MSH5: variants seen among roughly 807,000 people sequenced by gnomAD.
The protein encoded by MSH5 is mutS protein homolog 5.
A neutral mutation model predicts 107.7 loss-of-function variants in MSH5; 78 were observed. The ratio of observed to expected loss-of-function variants is 0.72; its 90% CI spans 0.60 to 0.87. MSH5 has a LOEUF of 0.87. MSH5 is among the 40% of genes least tolerant of loss of function. MSH5 has a pLI of 0.00. For synonymous variants in MSH5, 326 were observed against 399.5 expected, an observed-to-expected ratio of 0.82 and a Z score of 2.19; for missense variants, 889 against 1,046.6, an observed-to-expected ratio of 0.85 and a Z score of 2.08.
chr6:31,747,813 T>C (rs536335808), intron 10 of MSH5, among the ~76,000 whole-genome samples: 1 of 152,278 alleles, frequency 6.6e-6, no homozygotes, highest in South Asian at 2.1e-4. Flanking sequence ...TGAGACCAGC[T>C]GGCCAACATG....
intron 12 of MSH5, 165 bp from the exon 13 acceptor site, chr6:31,758,000 C>A: frequency 1.3e-6 from 1 of 770,792 alleles, no homozygotes; most frequent in South Asian, 1.8e-5. Flanking sequence ...TTTGTAGTTT[C>A]AGTGTTTGGT....
In MSH5 at chr6:31,758,267, C is replaced by T. The variant is rs1202606859; in HGVS notation, c.1117C>T (p.His373Tyr). 1 of 1,612,916 alleles carries T rather than the reference C, an allele frequency of 6.2e-7. No homozygotes were observed. The highest frequency in any genetic ancestry group is 8.5e-7 in the Non-Finnish European group (1 of 1,180,042). Residue 373 changes from histidine to tyrosine, a missense_variant, in exon 13 of 25, where the codon CAT (histidine) becomes TAT (tyrosine). His to Tyr is a moderately conservative substitution (Grantham distance 83). Coordinates refer to ENST00000375750, the MANE Select transcript of MSH5 (RefSeq NM_172166.4). The surrounding 1 kb of genome is among the most constrained non-coding windows in gnomAD (Gnocchi z 5.1). ...IAQEFSDDLH[H>Y]IASLIGKVVD... Reference sequence around the variant, plus strand: ...CCAAGAGTTCTCTGATGACCTGCACCATATCGCCAGCCTCATTGGGAAAGT... The same window carrying T: ...CCAAGAGTTCTCTGATGACCTGCACTATATCGCCAGCCTCATTGGGAAAGT...
intron 12 of MSH5, among the ~76,000 whole-genome samples, chr6:31,756,233 C>T (rs1364916326): frequency 3.3e-5 from 5 of 152,136 alleles, no homozygotes; most frequent in South Asian, 2.1e-4. Flanking sequence ...TGCAGTGGCA[C>T]GATCTTGGCT....
In MSH5 at chr6:31,749,270, G is replaced by A. The variant is rs546005101; in HGVS notation, c.812+1838G>A. On this transcript the variant is annotated intron_variant, in intron 10 of 24. Coordinates refer to ENST00000375750, the MANE Select transcript of MSH5 (RefSeq NM_172166.4). ...AAAATCTTACATCCAGGTCAGGCGC[G>A]GTGGCTCACGCCTGTAGTCTCAGCA... Among the ~76,000 whole-genome samples the A allele has an allele frequency of 5.3e-5, 8 of 152,196 alleles. No homozygotes were observed. The South Asian group carries it at 1.2e-3, about 24-fold the overall frequency.
intron 9 of MSH5, chr6:31,746,219 C>T (rs2151344446): frequency 6.6e-6 from 1 of 152,188 alleles, no homozygotes; most frequent in South Asian, 2.1e-4. Context: ...GCCTCAGCCT[C>T]CTGAGTAACT....
At position 31,759,523 on chromosome 6, in the gene MSH5, G is replaced by A; in HGVS notation, c.1495+11G>A. The A allele has an allele frequency of 6.2e-7, 1 of 1,612,290 alleles. No individual in the cohort carries two copies. The highest frequency in any genetic ancestry group is 8.5e-7 in the Non-Finnish European group (1 of 1,179,984). ...ACTGCGAGATCCGGGGTGAGGAAAA[G>A]CCAGAGGTTATATGCATTGTAAGAT... On this transcript the variant is annotated intron_variant, in intron 17 of 24. Coordinates refer to ENST00000375750, the MANE Select transcript of MSH5 (RefSeq NM_172166.4). The surrounding 1 kb of genome is among the most constrained non-coding windows in gnomAD (Gnocchi z 4.7).
rs1554205309 is a variant in MSH5 at position 31,746,113 on chromosome 6, TGA to T, written c.766+797_766+798del. 8.1e-4 allele frequency: 122 copies of T among 150,644 alleles called. 1 individual carries two copies. Among genetic ancestry groups the T allele is most frequent in the African/African-American group, 2.5e-3 (98 of 39,884 alleles). 9.3% of individuals were successfully genotyped at this position (150,644 alleles called of 1,614,324 possible). On this transcript the variant is annotated intron_variant, in intron 9 of 24. Transcript: ENST00000375750. ...GTGTGTGTGTGTGTGTGTGTGTGTG[TGA>T]GACGAAGTCTCGCTCTTGTCCCCCA...
At chr6:31,743,453 C>T (rs1809104421) in intron 5 of MSH5, 1 of 523,866 alleles carries the variant, frequency 1.9e-6, no homozygotes, top group Non-Finnish European at 3.4e-6. Context: ...GGAATTCTCC[C>T]CATTAAGTTA....
At chr6:31,755,217 T>C (rs1351941098) in intron 12 of MSH5, among the ~76,000 whole-genome samples, 5 of 152,098 alleles carry the variant, frequency 3.3e-5, no homozygotes, top group South Asian at 2.1e-4. Flanking sequence ...AATGGCACAA[T>C]TGTAGCTCAC....
At chr6:31,753,489 A>G (rs779740505) in intron 11 of MSH5, 50 bp downstream of exon 11, 14 of 1,613,454 alleles carry the variant, frequency 8.7e-6, no homozygotes, top group African/African-American at 1.3e-5. Context: ...TTGAGGGCTG[A>G]TACTGGGCAG....
Position 31,743,999 on chromosome 6 carries a change from A to G in MSH5, c.511A>G (p.Ile171Val), listed in dbSNP as rs1809162852. 2 of 1,613,950 alleles carry G rather than the reference A, an allele frequency of 1.2e-6. No homozygotes were observed. Among genetic ancestry groups the G allele is most frequent in the South Asian group, 2.2e-5 (2 of 91,082 alleles). ...ATEKILFLSS[I>V]IPFDCLLTVR... ...TGAGAAAATCCTCTTCCTCTCTTCC[A>G]TTATTCCCTTTGACTGCCTCCTCAC... Residue 171 changes from isoleucine (I) to valine (V), a missense_variant, in exon 6 of 25, where the codon ATT becomes GTT. Physicochemically the swap from Ile to Val is conservative, Grantham distance 29 (BLOSUM62 3). Coordinates refer to ENST00000375750, the MANE Select transcript of MSH5 (RefSeq NM_172166.4).
In MSH5 at chr6:31,759,025, C is replaced by T; in HGVS notation, c.1327-72C>T. The T allele has an allele frequency of 6.8e-7, 1 of 1,480,474 alleles. No homozygotes were observed. The highest frequency in any genetic ancestry group is 9.4e-7 in the Non-Finnish European group (1 of 1,059,884). The allele number at this position is 1,480,474 out of a possible 1,614,324, so 91.7% of individuals were successfully genotyped here. A position where few individuals can be genotyped will look rare whatever the true frequency, so the allele number is the denominator to read the frequency against. ...GGGGATACAGGGATCTTTTAAGCTCCCTCTAGGGTGGGGAGGTGTCCAGTA... is the reference window on the plus strand; with the variant it reads ...GGGGATACAGGGATCTTTTAAGCTCTCTCTAGGGTGGGGAGGTGTCCAGTA... On this transcript the variant is annotated intron_variant, in intron 15 of 24. Coordinates refer to ENST00000375750, the MANE Select transcript of MSH5 (RefSeq NM_172166.4). This position sits in a 1 kb window ranked among gnomAD's most constrained non-coding sequence, Gnocchi z 4.7.
In MSH5 at chr6:31,758,569, G is replaced by C. The variant is rs1426472892; in HGVS notation, c.1165G>C (p.Ala389Pro). Residue 389 changes from alanine (A) to proline (P), a missense_variant, in exon 14 of 25, where the codon GCT becomes CCT. Transcript: ENST00000375750. This position sits in a 1 kb window ranked among gnomAD's most constrained non-coding sequence, Gnocchi z 5.1. Reference protein sequence around the residue: ...GKVVDFEGSLAENRFTVLPNI... With the variant: ...GKVVDFEGSLPENRFTVLPNI... The stretch of plus-strand genomic sequence containing the variant: ...TCAGGTGGACTTTGAGGGCAGCCTT[G>C]CTGAAAATCGCTTCACAGTCCTCCC... 9.3e-6 allele frequency: 15 copies of C among 1,613,508 alleles called. No individual in the cohort carries two copies. The highest frequency in any genetic ancestry group is 1.3e-5 in the Non-Finnish European group (15 of 1,180,028).
intron 3 of MSH5, 118 bp from the exon 4 acceptor site, chr6:31,742,759 A>G: frequency 2.2e-6 from 2 of 925,328 alleles, no homozygotes; most frequent in South Asian, 1.4e-5. Flanking sequence ...AGCACTCCCT[A>G]CTCCTAGGGA....
intron 10 of MSH5, among the ~76,000 whole-genome samples, chr6:31,749,269 C>T (rs899873890): frequency 2.6e-5 from 4 of 151,832 alleles, no homozygotes; most frequent in Admixed American, 1.3e-4. Context: ...AGGTCAGGCG[C>T]GGTGGCTCAC....
chr6:31,759,692 C>G lies in MSH5; in HGVS notation c.1496-94C>G, dbSNP rs980862844. 5.3e-5 allele frequency: 77 copies of G among 1,454,272 alleles called. No homozygotes were observed. Among genetic ancestry groups the G allele is most frequent in the Non-Finnish European group, 7.0e-5 (74 of 1,059,878 alleles). The allele number at this position is 1,454,272 out of a possible 1,614,324, so 90.1% of individuals were successfully genotyped here. A position where few individuals can be genotyped will look rare whatever the true frequency, so the allele number is the denominator to read the frequency against. On this transcript the variant is annotated intron_variant, in intron 17 of 24. Transcript: ENST00000375750. The surrounding 1 kb of genome is among the most constrained non-coding windows in gnomAD (Gnocchi z 4.7). ...AATGTCTTGAGGTCTCAGATTGTAT[C>G]TGCAACCTGTTTCCAGATCCCCCTA...
intron 8 of MSH5, among the ~76,000 whole-genome samples, chr6:31,744,832 G>A (rs188423618): frequency 5.3e-5 from 8 of 152,286 alleles, no homozygotes; most frequent in African/African-American, 9.6e-5. Flanking sequence ...ATATGATCTC[G>A]GCTGGGCGCG....
At chr6:31,762,090 C>T (rs1222673565) in intron 23 of MSH5, 22 bp from the exon 24 acceptor site, 6 of 1,613,884 alleles carry the variant, frequency 3.7e-6, no homozygotes, top group Non-Finnish European at 5.1e-6. Context: ...CTTACTCCTC[C>T]CACCTTCTTG....
Position 31,740,259 on chromosome 6 carries a change from G to A in MSH5, c.-13-195G>A. ...GACAGGAATGAGGGTGGGGCGCGTG[G>A]AGTTTCCCACAATCTGTACTTTAGT... On this transcript the variant is annotated intron_variant, in intron 1 of 24. Coordinates refer to ENST00000375750, the MANE Select transcript of MSH5 (RefSeq NM_172166.4). The surrounding 1 kb of genome is among the most constrained non-coding windows in gnomAD (Gnocchi z 4.4). 1 of 529,696 alleles carries A rather than the reference G, an allele frequency of 1.9e-6. No homozygotes were observed. Among genetic ancestry groups the A allele is most frequent in the East Asian group, 3.5e-5 (1 of 28,808 alleles). The allele number at this position is 529,696 out of a possible 1,614,324, so 32.8% of individuals were successfully genotyped here. A position where few individuals can be genotyped will look rare whatever the true frequency, so the allele number is the denominator to read the frequency against.
Sources: allele counts gnomAD v4.1 joint callset (sites outside exome capture counted in the v4.1 genomes callset), GRCh38; gene constraint gnomAD v4.1.1; non-coding constraint Gnocchi (gnomAD v3.1); transcripts MANE v1.5; gene names NCBI Gene and HGNC (gene_info 2026-07-23, HGNC 2026-07-21).